The following ZNF133 variants were observed in gnomAD, a reference collection of about 807,000 sequenced individuals.
ZNF133 encodes zinc finger protein 133, also known as zinc finger protein 133 (clone pHZ-13).
ZNF133 carries 26 observed loss-of-function variants against 54.9 expected under a neutral mutation model. That is an observed-to-expected ratio of 0.47 (90% CI 0.35 to 0.66). The LOEUF (loss-of-function observed/expected upper bound fraction) is 0.66. Ranked by LOEUF, ZNF133 falls within the 30% of genes least tolerant of loss-of-function variation. ZNF133 has a pLI of 0.01. For missense variants in ZNF133, 653 were observed against 820.8 expected, an observed-to-expected ratio of 0.80 and a Z score of 2.50; for synonymous variants, 298 against 320.3, an observed-to-expected ratio of 0.93 and a Z score of 0.74.
Position 18,305,298 on chromosome 20 carries a change from A to G in ZNF133, c.-7+120A>G. 1.5e-6 allele frequency: 1 copy of G among 670,248 alleles called. No homozygotes were observed. Among genetic ancestry groups the G allele is most frequent in the Non-Finnish European group, 1.9e-6 (1 of 536,964 alleles). The allele number at this position is 670,248 out of a possible 1,614,324, so 41.5% of individuals were successfully genotyped here. On this transcript the variant is annotated intron_variant, in intron 4 of 6. Transcript: ENST00000425686. This position sits in a 1 kb window ranked among gnomAD's most constrained non-coding sequence, Gnocchi z 4.7. ...AGGCCCGAGAAAGCCAAGCCGTAGG[A>G]TTTTGAGGAATTACTGAGTTATAGT...
At chr20:18,298,236 T>A in intron 2 of ZNF133, 53 bp from the exon 3 acceptor site, 1 of 1,464,734 alleles carries the variant, frequency 6.8e-7, no homozygotes, top group South Asian at 1.4e-5. Flanking sequence ...CCTAGTAAAC[T>A]GAACAACACA....
At chr20:18,292,374 A>G (rs949354891) in intron 1 of ZNF133, among the ~76,000 whole-genome samples, 2 of 152,196 alleles carry the variant, frequency 1.3e-5, no homozygotes, top group African/African-American at 4.8e-5. Context: ...CATCTGTACC[A>G]CACTATCTCA....
At chr20:18,306,675 CT>C in intron 6 of ZNF133, 6 of 1,292,586 alleles carry the variant, frequency 4.6e-6, no homozygotes, top group Non-Finnish European at 6.1e-6. Flanking sequence ...TATATATGGG[CT>C]TCTTTCTCTT....
intron 1 of ZNF133, among the ~76,000 whole-genome samples, chr20:18,296,389 A>G (rs2042245275): frequency 6.6e-6 from 1 of 151,994 alleles, no homozygotes; most frequent in Non-Finnish European, 1.5e-5. Flanking sequence ...ACCACTATCT[A>G]TCTCCAGAAA....
chr20:18,306,598 C>G, intron 6 of ZNF133: 3 of 892,050 alleles, frequency 3.4e-6, no homozygotes, highest in Non-Finnish European at 5.0e-6. Context: ...TCGTCTCCTT[C>G]CTCCACTAGG....
chr20:18,306,197 T>A (rs1420724566), intron 5 of ZNF133, 101 bp from the exon 6 acceptor site: 3 of 1,140,658 alleles, frequency 2.6e-6, no homozygotes, highest in Non-Finnish European at 3.7e-6. Context: ...AACTCAGGGC[T>A]TTGTACTACC....
chr20:18,291,470 T>TCATA (rs1242723126), intron 1 of ZNF133, among the ~76,000 whole-genome samples: 3 of 152,138 alleles, frequency 2.0e-5, no homozygotes, highest in African/African-American at 7.2e-5. Context: ...TCCTCCTAAC[T>TCATA]CATAGCCTGC....
In ZNF133 at chr20:18,316,777, G is replaced by A. The variant is rs74739058; in HGVS notation, c.1926G>A (p.Pro642=). The A allele has an allele frequency of 1.7e-3, 2,795 of 1,613,818 alleles. 11 individuals carry two copies. Among genetic ancestry groups the A allele is most frequent in the Middle Eastern group, 7.4e-3 (45 of 6,062 alleles). The change falls in exon 7 of 7, where the codon CCG becomes CCA. Residue 642 remains proline, a synonymous_variant. Transcript: ENST00000425686. ...TGCCAGTGCAGCCCGACCCTGAGCC[G>A]TGTGCAGGGCAACCTTCGGATTCCT... ...HRLPVQPDPE[P]CAGQPSDSLY...
In ZNF133 at chr20:18,315,716, G is replaced by T; in HGVS notation, c.865G>T (p.Glu289Ter). Residue 289 changes from glutamate to a stop codon, truncating the protein, a stop_gained, in exon 7 of 7, where the codon GAA (glutamate) becomes TAA (stop). Transcript: ENST00000425686. LOFTEE classifies it high-confidence loss of function. ...CCGGAAGTCAACGCTAATCATACAC[G>T]AACGGACACACTCCGGTGAGAAACC... ...FNRKSTLIIH[E>*]RTHSGEKPYM... 6.2e-7 allele frequency: 1 copy of T among 1,613,712 alleles called. No individual in the cohort carries two copies. Among genetic ancestry groups the T allele is most frequent in the Non-Finnish European group, 8.5e-7 (1 of 1,179,854 alleles).
At position 18,316,638 on chromosome 20, in the gene ZNF133, A is replaced by C; in HGVS notation, c.1787A>C (p.His596Pro). ...CTCCAAAAGTCACACCTCACCTTAC[A>C]TCAAATGACACATACGGGGGAGAAG... ...GFLQKSHLTL[H>P]QMTHTGEKPY... Residue 596 changes from histidine (H) to proline (P), a missense_variant, in exon 7 of 7, where the codon CAT becomes CCT. By Grantham distance (77) the His-to-Pro change is moderately conservative. Around this residue, in one of 4 missense-constraint regions of ZNF133, gnomAD observed 129 missense variants for 138.5 expected, o/e 0.93. Coordinates refer to ENST00000425686, the MANE Select transcript of ZNF133 (RefSeq NM_001352452.2). 1.2e-6 allele frequency: 2 copies of C among 1,614,076 alleles called. No homozygotes were observed. Among genetic ancestry groups the C allele is most frequent in the Non-Finnish European group, 8.5e-7 (1 of 1,180,042 alleles).
At chr20:18,295,652 A>C (rs1218924359) in intron 1 of ZNF133, among the ~76,000 whole-genome samples, 2 of 151,792 alleles carry the variant, frequency 1.3e-5, no homozygotes, top group East Asian at 3.9e-4. Context: ...CTTGGAATTT[A>C]ATTAATTAAT....
Position 18,316,476 on chromosome 20 carries a change from G to A in ZNF133, c.1625G>A (p.Arg542Gln), listed in dbSNP as rs140669678. 47 of 1,614,072 alleles carry A rather than the reference G, an allele frequency of 2.9e-5. No homozygotes were observed. The African/African-American group carries it at 3.6e-4, about 12-fold the overall frequency. The change falls in exon 7 of 7, where the codon CGG becomes CAG. Residue 542 changes from arginine (R) to glutamine (Q), a missense_variant. Physicochemically the swap from Arg to Gln is conservative, Grantham distance 43 (BLOSUM62 1). Transcript: ENST00000425686. ...CAGGCCGGTCTCATCAGGCACAAGCGGAAGCACTCGAGGGAGAAGCCCTAC... is the reference window on the plus strand; with the variant it reads ...CAGGCCGGTCTCATCAGGCACAAGCAGAAGCACTCGAGGGAGAAGCCCTAC... ...SHQAGLIRHK[R>Q]KHSREKPYMC...
intron 3 of ZNF133, among the ~76,000 whole-genome samples, chr20:18,304,560 GAAGT>G: frequency 6.6e-6 from 1 of 152,290 alleles, no homozygotes; most frequent in East Asian, 1.9e-4. Context: ...CCTTAACAAG[GAAGT>G]AAATTCTGAG....
chr20:18,304,886 C>G (rs181323790), intron 3 of ZNF133, 122 bp from the exon 4 acceptor site: 3 of 620,576 alleles, frequency 4.8e-6, no homozygotes, highest in Non-Finnish European at 6.0e-6. Context: ...GTCCTTGTCC[C>G]TGCTCCCCAC....
At chr20:18,295,958 T>C (rs944846910) in intron 1 of ZNF133, among the ~76,000 whole-genome samples, 1 of 152,218 alleles carries the variant, frequency 6.6e-6, no homozygotes, top group Non-Finnish European at 1.5e-5. Context: ...ATAAATCCTG[T>C]ATATACGTAG....
Position 18,305,554 on chromosome 20 carries a change from A to G in ZNF133, c.-6-127A>G. The stretch of plus-strand genomic sequence containing the variant: ...CAGGGATTTAAAAGTCTTGGAACAC[A>G]TGGCACCAGGGTCACTGGGATCTTG... On this transcript the variant is annotated intron_variant, in intron 4 of 6. Coordinates refer to ENST00000425686, the MANE Select transcript of ZNF133 (RefSeq NM_001352452.2). This position sits in a 1 kb window ranked among gnomAD's most constrained non-coding sequence, Gnocchi z 4.7. 7.3e-7 allele frequency: 1 copy of G among 1,370,160 alleles called. No individual in the cohort carries two copies. The highest frequency in any genetic ancestry group is 1.3e-5 in the South Asian group (1 of 78,176). 84.9% of individuals were successfully genotyped at this position (1,370,160 alleles called of 1,614,324 possible). A position where few individuals can be genotyped will look rare whatever the true frequency, so the allele number is the denominator to read the frequency against.
Position 18,315,389 on chromosome 20 carries a change from G to C in ZNF133, c.538G>C (p.Gly180Arg). The change falls in exon 7 of 7, where the codon GGC (glycine) becomes CGC (arginine). Residue 180 changes from glycine to arginine, a missense_variant. Coordinates refer to ENST00000425686, the MANE Select transcript of ZNF133 (RefSeq NM_001352452.2). ...PQRQPVSSRN[G>R]LRGVELEASP... is the part of the protein sequence containing the mutation. The stretch of plus-strand genomic sequence containing the variant: ...GAGGCAGCCAGTCAGCTCTCGGAAC[G>C]GCCTCAGAGGGGTGGAGTTAGAAGC... 1 of 1,614,184 alleles carries C rather than the reference G, an allele frequency of 6.2e-7. No homozygotes were observed. Among genetic ancestry groups the C allele is most frequent in the Non-Finnish European group, 8.5e-7 (1 of 1,180,032 alleles).
At chr20:18,297,784 G>A (rs2042541012) in intron 1 of ZNF133, among the ~76,000 whole-genome samples, 1 of 151,992 alleles carries the variant, frequency 6.6e-6, no homozygotes, top group African/African-American at 2.4e-5. Flanking sequence ...TTTCTCTTTT[G>A]TTTTGGAAGA....
At chr20:18,290,367 T>C (rs1206690394) in intron 1 of ZNF133, among the ~76,000 whole-genome samples, 1 of 152,216 alleles carries the variant, frequency 6.6e-6, no homozygotes, top group African/African-American at 2.4e-5. Flanking sequence ...TGTTCTTCTG[T>C]CTTCCAATAC....
Sources: allele counts gnomAD v4.1 joint callset (sites outside exome capture counted in the v4.1 genomes callset), GRCh38; gene constraint gnomAD v4.1.1; regional missense constraint gnomAD v4.1.1; non-coding constraint Gnocchi (gnomAD v3.1); transcripts MANE v1.5; gene names NCBI Gene and HGNC (gene_info 2026-07-23, HGNC 2026-07-21).